LMNB1: variants seen among roughly 807,000 people sequenced by gnomAD.
LMNB1 encodes the protein lamin-B1.
Under a neutral mutation model 67.1 loss-of-function variants are expected in LMNB1, and 23 were observed. That is an observed-to-expected ratio of 0.34 (90% CI 0.25 to 0.49). The LOEUF is 0.49. Ranked by LOEUF, LMNB1 falls within the 20% of genes least tolerant of loss-of-function variation. The probability of loss-of-function intolerance (pLI) is 0.99; values close to 1 mark genes in which losing one functional copy is unlikely to be tolerated. For missense variants in LMNB1, 634 were observed against 746.5 expected, an observed-to-expected ratio of 0.85 and a Z score of 1.76; for synonymous variants, 281 against 282.9, an observed-to-expected ratio of 0.99 and a Z score of 0.07.
At chr5:126,821,943 G>A (rs904064012) in intron 7 of LMNB1, among the ~76,000 whole-genome samples, 1 of 151,898 alleles carries the variant, frequency 6.6e-6, no homozygotes, top group African/African-American at 2.4e-5. Context: ...ATTTGGATGA[G>A]TGAAGGAGCA....
At chr5:126,835,189 G>T (rs925260593) in intron 10 of LMNB1, among the ~76,000 whole-genome samples, 1 of 152,206 alleles carries the variant, frequency 6.6e-6, no homozygotes, top group Non-Finnish European at 1.5e-5. Context: ...AAAGATGTAT[G>T]AGGTTTTTAG....
chr5:126,835,812 T>TA (rs1386026657), intron 10 of LMNB1, among the ~76,000 whole-genome samples: 1 of 152,130 alleles, frequency 6.6e-6, no homozygotes, highest in Non-Finnish European at 1.5e-5. Context: ...AGAGGCCAGA[T>TA]ACGGTGGCTC....
intron 2 of LMNB1, 95 bp from the exon 3 acceptor site, chr5:126,805,476 T>A (rs1751391903): frequency 2.4e-6 from 2 of 831,438 alleles, no homozygotes; most frequent in African/African-American, 1.7e-5. Context: ...TATAGGAATT[T>A]TAACACTTGA....
rs1397942012 is a variant in LMNB1, at chr5:126,836,529, CTT to C, written c.*271_*272del. ...GGAAGGGGTTCCTCAAATTTTTTGA[CTT>C]TTTTTGTATGTGTGTTTTTTCTTTT... On this transcript the variant is annotated 3_prime_UTR_variant, in exon 11 of 11. Transcript: ENST00000261366. 1 of 352,906 alleles carries C rather than the reference CTT, an allele frequency of 2.8e-6. No individual in the cohort carries two copies. Among genetic ancestry groups the C allele is most frequent in the Non-Finnish European group, 5.0e-6 (1 of 199,160 alleles). 21.9% of individuals were successfully genotyped at this position (352,906 alleles called of 1,614,324 possible). A position where few individuals can be genotyped will look rare whatever the true frequency, so the allele number is the denominator to read the frequency against.
At chr5:126,813,124 C>T (rs1391559281) in intron 5 of LMNB1, among the ~76,000 whole-genome samples, 2 of 152,118 alleles carry the variant, frequency 1.3e-5, no homozygotes, top group Non-Finnish European at 2.9e-5. Flanking sequence ...ACCTCTGTTG[C>T]AGGAACTTAG....
intron 1 of LMNB1, among the ~76,000 whole-genome samples, chr5:126,780,679 A>G (rs1440903703): frequency 2.6e-5 from 4 of 152,152 alleles, no homozygotes; most frequent in African/African-American, 9.7e-5. Context: ...TTCTGGGATT[A>G]TATTTTTCTT....
intron 1 of LMNB1, among the ~76,000 whole-genome samples, chr5:126,791,834 A>G (rs1750965857): frequency 6.6e-6 from 1 of 151,654 alleles, no homozygotes; most frequent in Non-Finnish European, 1.5e-5. Context: ...CCCAGGCTGG[A>G]GTGCAGTGGT....
intron 4 of LMNB1, among the ~76,000 whole-genome samples, 181 bp downstream of exon 4, chr5:126,810,531 T>C (rs761523485): frequency 6.6e-6 from 1 of 152,220 alleles, no homozygotes. Flanking sequence ...CTAAATGTTA[T>C]TAAAAATTAC....
intron 1 of LMNB1, among the ~76,000 whole-genome samples, chr5:126,778,286 A>C (rs1239837621): frequency 6.6e-6 from 1 of 151,996 alleles, no homozygotes; most frequent in Non-Finnish European, 1.5e-5. Flanking sequence ...GCGCGAGACA[A>C]AGCGTCTAGC....
At chr5:126,803,583 G>C (rs1045750273) in intron 1 of LMNB1, among the ~76,000 whole-genome samples, 1 of 148,724 alleles carries the variant, frequency 6.7e-6, no homozygotes, top group Non-Finnish European at 1.5e-5. Context: ...GTCTCTCTCT[G>C]TCACCCAGGC....
chr5:126,787,571 G>T (rs1160314132), intron 1 of LMNB1, among the ~76,000 whole-genome samples: 1 of 52,610 alleles, frequency 1.9e-5, no homozygotes. Flanking sequence ...TTTTGAGATA[G>T]AGTTTCACTC....
chr5:126,832,669 T>A, intron 9 of LMNB1, 25 bp from the exon 10 acceptor site: 1 of 1,533,100 alleles, frequency 6.5e-7, no homozygotes, highest in Non-Finnish European at 9.0e-7. Context: ...GTGTGTTTTT[T>A]AACTTAAACT....
intron 9 of LMNB1, among the ~76,000 whole-genome samples, chr5:126,829,324 C>T (rs1364402323): frequency 6.6e-6 from 1 of 151,922 alleles, no homozygotes; most frequent in Non-Finnish European, 1.5e-5. Context: ...CTTGGGGACG[C>T]AGGATAGCTG....
At position 126,777,370 on chromosome 5, in the gene LMNB1, C is replaced by G. The variant is rs1484448217; in HGVS notation, c.-139C>G. The stretch of plus-strand genomic sequence containing the variant: ...GCTCCCGCCATCCCAGGTGCTTCTC[C>G]GTTCCTCTAAACGCCAGCGTCTGGA... On this transcript the variant is annotated 5_prime_UTR_variant, in exon 1 of 11. Coordinates refer to ENST00000261366, the MANE Select transcript of LMNB1 (RefSeq NM_005573.4). The G allele has an allele frequency of 9.7e-6, 10 of 1,033,128 alleles. No individual in the cohort carries two copies. Among genetic ancestry groups the G allele is most frequent in the Admixed American group, 4.4e-5 (1 of 22,728 alleles). 64.0% of individuals were successfully genotyped at this position (1,033,128 alleles called of 1,614,324 possible).
At chr5:126,811,993 CTGTT>C (rs930265963) in intron 5 of LMNB1, 95 bp downstream of exon 5, 8 of 1,236,774 alleles carry the variant, frequency 6.5e-6, no homozygotes, top group Middle Eastern at 2.0e-4. Context: ...ACTCCTCCCT[CTGTT>C]TGTTACAGAG....
At chr5:126,799,255 T>G (rs1751201714) in intron 1 of LMNB1, among the ~76,000 whole-genome samples, 1 of 152,230 alleles carries the variant, frequency 6.6e-6, no homozygotes, top group South Asian at 2.1e-4. Context: ...CCTGACCTCG[T>G]GATCCGCCTG....
rs535010499 is a variant in LMNB1, at chr5:126,814,803, T to G, written c.939+2905T>G. 2.0e-5 allele frequency among the ~76,000 whole-genome samples: 3 copies of G among 152,264 alleles called. No homozygotes were observed. In the South Asian group the frequency reaches 6.2e-4, roughly 32 times the overall value. ...CTCTGCCTACCTTGGCCTCCCAAAA[T>G]GGAAGGGATTACAGGCGTGAGCTGC... is the stretch of plus-strand genomic sequence containing the variant. On this transcript the variant is annotated intron_variant, in intron 5 of 10. Transcript: ENST00000261366.
chr5:126,811,937 G>A (rs930031159), intron 5 of LMNB1, 39 bp downstream of exon 5: 1 of 1,587,260 alleles, frequency 6.3e-7, no homozygotes, highest in Admixed American at 1.7e-5. Context: ...AGACTTGAAG[G>A]CTACCTTCAC....
chr5:126,825,631 A>C (rs1026649890), intron 8 of LMNB1, among the ~76,000 whole-genome samples: 1 of 152,168 alleles, frequency 6.6e-6, no homozygotes, highest in African/African-American at 2.4e-5. Context: ...GTGGGTTATC[A>C]CTTGCTCTTT....
Sources: gnomAD v4.1 joint callset for allele counts (sites outside exome capture counted in the v4.1 genomes callset) on GRCh38, gnomAD v4.1.1 for gene constraint, MANE v1.5 for transcripts, NCBI Gene and HGNC (gene_info 2026-07-23, HGNC 2026-07-21) for gene names.